Variants in CYSLTR2 observed in about 807,000 individuals in gnomAD.
The protein encoded by CYSLTR2 is cysteinyl leukotriene receptor 2.
For missense variants in CYSLTR2, 398 were observed against 411.9 expected, an observed-to-expected ratio of 0.97 and a Z score of 0.29; for synonymous variants, 179 against 160.8, an observed-to-expected ratio of 1.11 and a Z score of -0.86.
chr13:48,681,014 A>AT (rs1392964578), intron 1 of CYSLTR2, among the ~76,000 whole-genome samples: 1 of 151,104 alleles, frequency 6.6e-6, no homozygotes, highest in African/African-American at 2.4e-5. Flanking sequence ...TTGTATATAT[A>AT]TTTTTTTCCT....
chr13:48,671,339 A>G (rs1953424462), intron 1 of CYSLTR2, among the ~76,000 whole-genome samples: 2 of 152,198 alleles, frequency 1.3e-5, no homozygotes, highest in Non-Finnish European at 2.9e-5. Flanking sequence ...GAGAGAGGGC[A>G]TCCTTGTCTT....
chr13:48,687,820 G>C (rs1320305680), intron 1 of CYSLTR2, among the ~76,000 whole-genome samples: 1 of 152,230 alleles, frequency 6.6e-6, no homozygotes, highest in Non-Finnish European at 1.5e-5. Flanking sequence ...GTGTGTGGCA[G>C]GTGGCCGTAA....
chr13:48,706,214 T>G (rs1193893774), intron 4 of CYSLTR2, among the ~76,000 whole-genome samples: 1 of 152,170 alleles, frequency 6.6e-6, no homozygotes, highest in Non-Finnish European at 1.5e-5. Flanking sequence ...CAGACTGGTC[T>G]TGAACTCCTG....
chr13:48,686,060 T>G (rs1953887875), intron 1 of CYSLTR2, among the ~76,000 whole-genome samples: 1 of 152,210 alleles, frequency 6.6e-6, no homozygotes, highest in South Asian at 2.1e-4. Flanking sequence ...TGGAAGATAC[T>G]GTGGGAAGTG....
intron 1 of CYSLTR2, among the ~76,000 whole-genome samples, chr13:48,658,857 AACTTG>A (rs1398846376): frequency 6.6e-6 from 1 of 152,118 alleles, no homozygotes; most frequent in Non-Finnish European, 1.5e-5. Flanking sequence ...CCTGGAGATG[AACTTG>A]ACTCTGAGAT....
chr13:48,684,425 T>C (rs1953843873), intron 1 of CYSLTR2, among the ~76,000 whole-genome samples: 1 of 151,762 alleles, frequency 6.6e-6, no homozygotes, highest in Non-Finnish European at 1.5e-5. Context: ...GATGTCTTTC[T>C]AGCAAGCATC....
intron 1 of CYSLTR2, among the ~76,000 whole-genome samples, chr13:48,667,589 T>C (rs1022378348): frequency 6.6e-6 from 1 of 152,164 alleles, no homozygotes; most frequent in Admixed American, 6.5e-5. Context: ...GACTGTTATA[T>C]GGGTGCACAA....
rs746257516 is a variant in CYSLTR2, at chr13:48,707,366, T to C, written c.549T>C (p.Ser183=). 1 of 1,614,126 alleles carries C rather than the reference T, an allele frequency of 6.2e-7. No homozygotes were observed. The highest frequency in any genetic ancestry group is 8.5e-7 in the Non-Finnish European group (1 of 1,180,028). Residue 183 remains serine (S), a synonymous_variant, in exon 5 of 5, where the codon AGT becomes AGC. Transcript: ENST00000682523. The part of the protein sequence containing the change: ...LLDSGSEQNG[S]VTSCLELNLY... The stretch of plus-strand genomic sequence containing the variant: ...ACAGTGGCTCTGAGCAGAACGGCAG[T>C]GTCACATCATGCTTAGAGCTGAATC...
intron 1 of CYSLTR2, among the ~76,000 whole-genome samples, chr13:48,654,311 G>GTA (rs2138784199): frequency 7.6e-6 from 1 of 132,312 alleles, no homozygotes; most frequent in African/African-American, 2.7e-5. Context: ...GTGTGAGTGT[G>GTA]TGTGTGTGTG....
At chr13:48,693,299 T>G (rs2047528024) in intron 2 of CYSLTR2, 139 bp from the exon 3 acceptor site, 1 of 152,074 alleles carries the variant, frequency 6.6e-6, no homozygotes, top group Admixed American at 6.5e-5. Context: ...CTCTGAATCA[T>G]GCCAAACATG....
chr13:48,674,469 T>C (rs760585767), intron 1 of CYSLTR2, among the ~76,000 whole-genome samples: 2 of 152,240 alleles, frequency 1.3e-5, no homozygotes, highest in Non-Finnish European at 2.9e-5. Flanking sequence ...TTCAGCTCCA[T>C]CAGGTCTTTT....
rs869282546 is a variant in CYSLTR2 at position 48,695,068 on chromosome 13, A to ATTTTTTTTTTTTTTTTTTTTTT, written c.-102-1453_-102-1432dup. Among the ~76,000 whole-genome samples, 22 of 71,618 alleles carry ATTTTTTTTTTTTTTTTTTTTTT rather than the reference A, an allele frequency of 3.1e-4. 5 individuals are homozygous for ATTTTTTTTTTTTTTTTTTTTTT. The highest frequency in any genetic ancestry group is 1.2e-3 in the African/African-American group (20 of 16,280). 47.0% of individuals were successfully genotyped at this position (71,618 alleles called of 152,430 possible). On this transcript the variant is annotated intron_variant, in intron 3 of 4. Coordinates refer to ENST00000682523, the MANE Select transcript of CYSLTR2 (RefSeq NM_001308476.3). ...AGACCATGGTATATCAGAACCTGGC[A>ATTTTTTTTTTTTTTTTTTTTTT]TTTTTTTTTTTTTTTTTTTTTTTTT... is the stretch of plus-strand genomic sequence containing the variant.
chr13:48,707,851 G>A lies in CYSLTR2; in HGVS notation c.1034G>A (p.Arg345Lys). 1.3e-6 allele frequency: 2 copies of A among 1,520,344 alleles called. No individual in the cohort carries two copies. Among genetic ancestry groups the A allele is most frequent in the Non-Finnish European group, 1.8e-6 (2 of 1,136,212 alleles). 94.2% of individuals were successfully genotyped at this position (1,520,344 alleles called of 1,614,324 possible). A position where few individuals can be genotyped will look rare whatever the true frequency, so the allele number is the denominator to read the frequency against. Residue 345 changes from arginine (R) to lysine (K), a missense_variant, in exon 5 of 5, where the codon AGA becomes AAA. Physicochemically the swap from Arg to Lys is conservative, Grantham distance 26 (BLOSUM62 2). Coordinates refer to ENST00000682523, the MANE Select transcript of CYSLTR2 (RefSeq NM_001308476.3). ...AGTGTGTGGTTGAGAAAGGAAACAA[G>A]AGTATAAGGAGCTCTTAGATGAGAC... Reference protein sequence around the residue: ...PVSVWLRKETRV With the variant: ...PVSVWLRKETKV
intron 3 of CYSLTR2, among the ~76,000 whole-genome samples, chr13:48,695,063 C>G (rs1954135431): frequency 9.0e-6 from 1 of 111,388 alleles, no homozygotes; most frequent in African/African-American, 3.4e-5. Context: ...ATATCAGAAC[C>G]TGGCATTTTT....
chr13:48,660,681 C>G (rs1217849133), intron 1 of CYSLTR2, among the ~76,000 whole-genome samples: 3 of 152,016 alleles, frequency 2.0e-5, no homozygotes, highest in Admixed American at 2.0e-4. Context: ...TTCACCTTGA[C>G]TTTTTGAAAA....
At chr13:48,675,044 G>A (rs2138868124) in intron 1 of CYSLTR2, among the ~76,000 whole-genome samples, 1 of 152,298 alleles carries the variant, frequency 6.6e-6, no homozygotes, top group South Asian at 2.1e-4. Flanking sequence ...GAGCTCTCCT[G>A]TATGAGGTGT....
At chr13:48,663,720 A>C (rs190534885) in intron 1 of CYSLTR2, among the ~76,000 whole-genome samples, 1 of 152,120 alleles carries the variant, frequency 6.6e-6, no homozygotes, top group East Asian at 1.9e-4. Flanking sequence ...ATGATTTATT[A>C]GTTCTAAGAG....
At position 48,696,359 on chromosome 13, in the gene CYSLTR2, C is replaced by T. The variant is rs115741644; in HGVS notation, c.-102-167C>T. On this transcript the variant is annotated intron_variant, in intron 3 of 4. Coordinates refer to ENST00000682523, the MANE Select transcript of CYSLTR2 (RefSeq NM_001308476.3). ...CCAGTCTGTAGCTTGTATTTTCATC[C>T]TCTTAGCAGAGTATTTTGTGGAGCA... Among the ~76,000 whole-genome samples, 595 of 152,220 alleles carry T rather than the reference C, an allele frequency of 3.9e-3. 8 individuals carry two copies. The highest frequency in any genetic ancestry group is 0.014 in the African/African-American group (565 of 41,536).
At position 48,707,427 on chromosome 13, in the gene CYSLTR2, A is replaced by G; in HGVS notation, c.610A>G (p.Ile204Val). 6.2e-7 allele frequency: 1 copy of G among 1,614,048 alleles called. No individual in the cohort carries two copies. The highest frequency in any genetic ancestry group is 8.5e-7 in the Non-Finnish European group (1 of 1,179,998). ...KIAKLQTMNY[I>V]ALVVGCLLPF... is the part of the protein sequence containing the mutation. Reference sequence around the variant, plus strand: ...TGCTAAGCTGCAGACCATGAACTATATTGCCTTGGTGGTGGGCTGCCTGCT... The same window carrying G: ...TGCTAAGCTGCAGACCATGAACTATGTTGCCTTGGTGGTGGGCTGCCTGCT... The change falls in exon 5 of 5, where the codon ATT becomes GTT. Residue 204 changes from isoleucine (I) to valine (V), a missense_variant. Transcript: ENST00000682523.
Sources: allele counts gnomAD v4.1 joint callset (sites outside exome capture counted in the v4.1 genomes callset), GRCh38; gene constraint gnomAD v4.1.1; transcripts MANE v1.5; gene names NCBI Gene and HGNC (gene_info 2026-07-23, HGNC 2026-07-21).